Variants in UTP23 observed in about 807,000 individuals in gnomAD.
The protein encoded by UTP23 is UTP23 small subunit processome component.
A neutral mutation model predicts 19.8 loss-of-function variants in UTP23; 10 were observed. The observed-to-expected ratio is 0.50, with a 90% CI of 0.31 to 0.86. The LOEUF is 0.86. Ranked by LOEUF, UTP23 falls within the 40% of genes least tolerant of loss-of-function variation. The probability of loss-of-function intolerance (pLI) is 0.05; values close to 1 mark genes in which losing one functional copy is unlikely to be tolerated. For missense variants in UTP23, 282 were observed against 293.1 expected, an observed-to-expected ratio of 0.96 and a Z score of 0.28; for synonymous variants, 108 against 105.4, an observed-to-expected ratio of 1.02 and a Z score of -0.15.
In UTP23 at chr8:116,772,760, A is replaced by T; in HGVS notation, c.*918A>T. On this transcript the variant is annotated 3_prime_UTR_variant, in exon 3 of 3. Transcript: ENST00000309822. ...GAAAAGTGTCTAAATTAGTCTGAGG[A>T]TCAATGAGGGTCAATTCAGTTAGGA... The T allele has an allele frequency of 1.0e-6, 1 of 985,426 alleles. No individual in the cohort carries two copies. The highest frequency in any genetic ancestry group is 1.2e-6 in the Non-Finnish European group (1 of 829,916). 61.0% of individuals were successfully genotyped at this position (985,426 alleles called of 1,614,324 possible). A position where few individuals can be genotyped will look rare whatever the true frequency, so the allele number is the denominator to read the frequency against.
chr8:116,771,509 T>G lies in UTP23; in HGVS notation c.417T>G (p.Phe139Leu). 1 of 1,560,032 alleles carries G rather than the reference T, an allele frequency of 6.4e-7. No homozygotes were observed. The highest frequency in any genetic ancestry group is 8.6e-7 in the Non-Finnish European group (1 of 1,160,842). ...AGAAGCCTGGAGTTCCTCTCATGTT[T>G]ATTATTCAGAACACTATGGTTTTGG... ...VKKKPGVPLM[F>L]IIQNTMVLDK... Residue 139 changes from phenylalanine to leucine, a missense_variant, in exon 3 of 3, where the codon TTT (phenylalanine) becomes TTG (leucine). By Grantham distance (22) the Phe-to-Leu change is conservative (BLOSUM62 0). Coordinates refer to ENST00000309822, the MANE Select transcript of UTP23 (RefSeq NM_032334.3).
chr8:116,770,341 CTCA>C lies in UTP23; in HGVS notation c.343_345del (p.His115del). 6.2e-7 allele frequency: 1 copy of C among 1,612,132 alleles called. No homozygotes were observed. Among genetic ancestry groups the C allele is most frequent in the Non-Finnish European group, 8.5e-7 (1 of 1,178,506 alleles). The stretch of plus-strand genomic sequence containing the variant: ...CTTTCCATGGTTGAAGAGGGAAATC[CTCA>C]TCATTATTTTGTGGCAACACAGGTG... On this transcript the variant is annotated inframe_deletion, in exon 2 of 3. Coordinates refer to ENST00000309822, the MANE Select transcript of UTP23 (RefSeq NM_032334.3).
At chr8:116,769,327 C>T (rs1354468787) in intron 1 of UTP23, among the ~76,000 whole-genome samples, 2 of 152,046 alleles carry the variant, frequency 1.3e-5, no homozygotes, top group Non-Finnish European at 2.9e-5. Context: ...AGAAACGCTA[C>T]GTTACTGAGA....
intron 1 of UTP23, among the ~76,000 whole-genome samples, chr8:116,767,961 G>C (rs563048175): frequency 8.5e-5 from 13 of 152,242 alleles, no homozygotes; most frequent in Middle Eastern, 6.8e-3. Context: ...GCTCACACTT[G>C]TAATCCTAGT....
At chr8:116,767,978 A>G (rs1048601747) in intron 1 of UTP23, among the ~76,000 whole-genome samples, 1 of 152,126 alleles carries the variant, frequency 6.6e-6, no homozygotes, top group Non-Finnish European at 1.5e-5. Context: ...TAGTAGCTAC[A>G]CAGGAGGCTG....
At chr8:116,769,449 A>G (rs1815624044) in intron 1 of UTP23, among the ~76,000 whole-genome samples, 1 of 152,176 alleles carries the variant, frequency 6.6e-6, no homozygotes, top group Admixed American at 6.5e-5. Flanking sequence ...AATTTCAAAG[A>G]GATAGCAAGT....
Position 116,766,800 on chromosome 8 carries a change from G to C in UTP23, c.188+9G>C. ...CAGCTGTGCACCACAAGGTGGGCCCGGGGGGCTGGGGAGGAGGCACAGAGG... is the reference window on the plus strand; with the variant it reads ...CAGCTGTGCACCACAAGGTGGGCCCCGGGGGCTGGGGAGGAGGCACAGAGG... On this transcript the variant is annotated intron_variant, in intron 1 of 2. Transcript: ENST00000309822. The C allele has an allele frequency of 6.6e-7, 1 of 1,519,788 alleles. No individual in the cohort carries two copies. 94.1% of individuals were successfully genotyped at this position (1,519,788 alleles called of 1,614,324 possible).
Position 116,766,658 on chromosome 8 carries a change from A to G in UTP23, c.55A>G (p.Asn19Asp). 6.2e-7 allele frequency: 1 copy of G among 1,610,062 alleles called. No individual in the cohort carries two copies. The highest frequency in any genetic ancestry group is 8.5e-7 in the Non-Finnish European group (1 of 1,178,274). Residue 19 changes from asparagine (N) to aspartate (D), a missense_variant, in exon 1 of 3, where the codon AAC (asparagine) becomes GAC (aspartate). Coordinates refer to ENST00000309822, the MANE Select transcript of UTP23 (RefSeq NM_032334.3). ...GAAGCATCTTGGCTTCTTCCGCAAC[A>G]ACTTCGGAGTCCGCGAGCCGTACCA... ...AKKHLGFFRNNFGVREPYQIL... is the reference protein window; with the variant it reads ...AKKHLGFFRNDFGVREPYQIL...
Position 116,771,846 on chromosome 8 carries a change from C to T in UTP23, c.*4C>T, listed in dbSNP as rs768074768. The T allele has an allele frequency of 1.3e-6, 2 of 1,559,246 alleles. No homozygotes were observed. The highest frequency in any genetic ancestry group is 1.7e-6 in the Non-Finnish European group (2 of 1,162,396). On this transcript the variant is annotated 3_prime_UTR_variant, in exon 3 of 3. Transcript: ENST00000309822. The stretch of plus-strand genomic sequence containing the variant: ...GCAGAATGCAGAAGGAGAATGAATC[C>T]TTTGGATACTTTCAAGGACATTCAA...
intron 1 of UTP23, among the ~76,000 whole-genome samples, chr8:116,767,832 A>T (rs1362387191): frequency 3.3e-5 from 5 of 152,222 alleles, no homozygotes. Context: ...AGAAAATTAA[A>T]ATGACTCATA....
rs904004296 is a variant in UTP23 at position 116,770,234 on chromosome 8, T to G, written c.231T>G (p.Tyr77Ter). ...TAGAAACATTGGGAAAGGACTTATA[T>G]GGGGCAAAACTGATTGCACAAAAAT... is the stretch of plus-strand genomic sequence containing the variant. The part of the protein sequence containing the change: ...KELETLGKDL[Y>*]GAKLIAQKCQ... The change falls in exon 2 of 3, where the codon TAT becomes TAG. Residue 77 changes from tyrosine to a stop codon, truncating the protein, a stop_gained. Coordinates refer to ENST00000309822, the MANE Select transcript of UTP23 (RefSeq NM_032334.3). LOFTEE classifies it high-confidence loss of function. 5.6e-6 allele frequency: 9 copies of G among 1,613,336 alleles called. No homozygotes were observed. Among genetic ancestry groups the G allele is most frequent in the Non-Finnish European group, 7.6e-6 (9 of 1,179,542 alleles).
In UTP23 at chr8:116,771,638, G is replaced by A; in HGVS notation, c.546G>A (p.Gln182=). 1.2e-6 allele frequency: 2 copies of A among 1,611,622 alleles called. No homozygotes were observed. Among genetic ancestry groups the A allele is most frequent in the Non-Finnish European group, 1.7e-6 (2 of 1,179,416 alleles). Residue 182 remains glutamine (Q), a synonymous_variant, in exon 3 of 3, where the codon CAG becomes CAA. Transcript: ENST00000309822. ...GTATCAAACATCTCAAAGAGGAACA[G>A]GGTTTAGTGAAAAACACTGAACAGA... ...KESIKHLKEE[Q]GLVKNTEQSR...
chr8:116,770,102 G>A (rs1030788906), intron 1 of UTP23, 90 bp from the exon 2 acceptor site: 11 of 1,255,898 alleles, frequency 8.8e-6, no homozygotes, highest in African/African-American at 3.0e-5. Context: ...GATTGTAACA[G>A]CATAGTTTTA....
Position 116,770,183 on chromosome 8 carries a change from T to G in UTP23, c.189-9T>G. The G allele has an allele frequency of 6.4e-7, 1 of 1,570,458 alleles. No individual in the cohort carries two copies. The highest frequency in any genetic ancestry group is 8.7e-7 in the Non-Finnish European group (1 of 1,150,692). On this transcript the variant is annotated splice_polypyrimidine_tract_variant and intron_variant, in intron 1 of 2. Transcript: ENST00000309822. Reference sequence around the variant, plus strand: ...AGTGAAATGTATCTGCTATAATTTTTCTTTTCAGATGTGTGTTAAAAGAGC... The same window carrying G: ...AGTGAAATGTATCTGCTATAATTTTGCTTTTCAGATGTGTGTTAAAAGAGC...
Position 116,774,127 on chromosome 8 carries a change from T to TA in UTP23, c.*2286dup. On this transcript the variant is annotated 3_prime_UTR_variant, in exon 3 of 3. Transcript: ENST00000309822. ...AGCTTTGTTGGGGATAAAAGTGTAA[T>TA]ACATGCACTTTTGAACTCTGAAAGT... The TA allele has an allele frequency of 1.0e-6, 1 of 985,410 alleles. No homozygotes were observed. Among genetic ancestry groups the TA allele is most frequent in the Non-Finnish European group, 1.2e-6 (1 of 829,926 alleles). 61.0% of individuals were successfully genotyped at this position (985,410 alleles called of 1,614,324 possible). A position where few individuals can be genotyped will look rare whatever the true frequency, so the allele number is the denominator to read the frequency against.
rs1815671424 is a variant in UTP23, at chr8:116,772,504, G to A, written c.*662G>A. The A allele has an allele frequency of 1.2e-5, 12 of 982,088 alleles. No individual in the cohort carries two copies. The highest frequency in any genetic ancestry group is 1.5e-5 in the Non-Finnish European group (12 of 827,056). 60.8% of individuals were successfully genotyped at this position (982,088 alleles called of 1,614,324 possible). A position where few individuals can be genotyped will look rare whatever the true frequency, so the allele number is the denominator to read the frequency against. ...TTATTTATTGACTTCCTACTAGAAA[G>A]AGTGAAATTTTGCCCATTTATACTG... On this transcript the variant is annotated 3_prime_UTR_variant, in exon 3 of 3. Coordinates refer to ENST00000309822, the MANE Select transcript of UTP23 (RefSeq NM_032334.3).
chr8:116,771,384 C>T lies in UTP23; in HGVS notation c.364-72C>T, dbSNP rs370416880. ...TCTGTGATCTCTTTTATTTTTAATA[C>T]AGTTCTTGAAAACCTATTTAAGGTA... On this transcript the variant is annotated intron_variant, in intron 2 of 2. Transcript: ENST00000309822. 19 of 1,233,394 alleles carry T rather than the reference C, an allele frequency of 1.5e-5. No individual in the cohort carries two copies. In the African/African-American group the frequency reaches 3.0e-4, roughly 19 times the overall value. The allele number at this position is 1,233,394 out of a possible 1,614,324, so 76.4% of individuals were successfully genotyped here.
At position 116,774,411 on chromosome 8, in the gene UTP23, T is replaced by C; in HGVS notation, c.*2569T>C. On this transcript the variant is annotated 3_prime_UTR_variant, in exon 3 of 3. Transcript: ENST00000309822. ...GATGGCTGTGATTTGACAGGTTTAATTGCTAGTTTTTTATAGGTGGATAGA... is the reference window on the plus strand; with the variant it reads ...GATGGCTGTGATTTGACAGGTTTAACTGCTAGTTTTTTATAGGTGGATAGA... 8.6e-6 allele frequency: 8 copies of C among 932,390 alleles called. No homozygotes were observed. Among genetic ancestry groups the C allele is most frequent in the Non-Finnish European group, 1.0e-5 (8 of 798,784 alleles). The allele number at this position is 932,390 out of a possible 1,614,324, so 57.8% of individuals were successfully genotyped here. A position where few individuals can be genotyped will look rare whatever the true frequency, so the allele number is the denominator to read the frequency against.
At chr8:116,770,156 C>A in intron 1 of UTP23, 36 bp from the exon 2 acceptor site, 2 of 1,502,260 alleles carry the variant, frequency 1.3e-6, no homozygotes, top group Non-Finnish European at 1.8e-6. Flanking sequence ...CTTATGTAAA[C>A]AAGTGAAATG....
Sources: allele counts gnomAD v4.1 joint callset (sites outside exome capture counted in the v4.1 genomes callset), GRCh38; gene constraint gnomAD v4.1.1; transcripts MANE v1.5; gene names NCBI Gene and HGNC (gene_info 2026-07-23, HGNC 2026-07-21).